Variants in AMBRA1 observed in about 807,000 individuals in gnomAD.
AMBRA1 encodes the protein autophagy and beclin 1 regulator 1, also known as activating molecule in BECN1-regulated autophagy protein 1.
Under a neutral mutation model 125.4 loss-of-function variants are expected in AMBRA1, and 47 were observed. That is an observed-to-expected ratio of 0.37 (90% CI 0.30 to 0.48). The LOEUF (loss-of-function observed/expected upper bound fraction) is 0.48, where lower values mean the gene tolerates loss of function less well. Ranked by LOEUF, AMBRA1 falls within the 20% of genes least tolerant of loss-of-function variation. The pLI is 0.99. For synonymous variants in AMBRA1, 626 were observed against 655.5 expected, an observed-to-expected ratio of 0.95 and a Z score of 0.69; for missense variants, 1,331 against 1,693.4, an observed-to-expected ratio of 0.79 and a Z score of 3.76.
chr11:46,456,670 G>A (rs1178766118), intron 11 of AMBRA1, among the ~76,000 whole-genome samples: 1 of 152,228 alleles, frequency 6.6e-6, no homozygotes, highest in Non-Finnish European at 1.5e-5. Context: ...CAAGCGAGTG[G>A]AATTGGACCA....
chr11:46,575,233 G>A (rs908813756), intron 1 of AMBRA1, among the ~76,000 whole-genome samples: 3 of 152,104 alleles, frequency 2.0e-5, no homozygotes, highest in African/African-American at 7.2e-5. Flanking sequence ...TGAGGCAGGT[G>A]TATCACCTGA....
intron 7 of AMBRA1, among the ~76,000 whole-genome samples, chr11:46,541,408 CAT>C (rs1952732662): frequency 6.6e-6 from 1 of 152,116 alleles, no homozygotes; most frequent in Non-Finnish European, 1.5e-5. Context: ...TCTTGACATA[CAT>C]ATATATACAT....
chr11:46,512,636 CAG>C (rs1462292434), intron 8 of AMBRA1, 89 bp downstream of exon 8: 2 of 945,970 alleles, frequency 2.1e-6, no homozygotes, highest in East Asian at 5.1e-5. Flanking sequence ...GCACCAGGAC[CAG>C]AGAGGCACAG....
chr11:46,412,806 G>A (rs1035634978), intron 15 of AMBRA1, among the ~76,000 whole-genome samples: 2 of 152,158 alleles, frequency 1.3e-5, no homozygotes, highest in African/African-American at 4.8e-5. Context: ...TTATGCAAGA[G>A]GTAAATGGCC....
intron 9 of AMBRA1, among the ~76,000 whole-genome samples, chr11:46,497,354 G>C (rs373293957): frequency 1.3e-5 from 2 of 152,224 alleles, no homozygotes; most frequent in African/African-American, 4.8e-5. Context: ...AAGGTTACAC[G>C]AGGCACTATA....
chr11:46,499,000 A>G (rs1358801106), intron 9 of AMBRA1, among the ~76,000 whole-genome samples: 3 of 152,186 alleles, frequency 2.0e-5, no homozygotes, highest in African/African-American at 7.2e-5. Context: ...TCTACTTTCA[A>G]TGACTGTGCA....
At chr11:46,424,435 G>A (rs966439639) in intron 14 of AMBRA1, among the ~76,000 whole-genome samples, 1 of 152,134 alleles carries the variant, frequency 6.6e-6, no homozygotes, top group African/African-American at 2.4e-5. Context: ...CAATTGGCCC[G>A]CTGCTTTCCA....
In AMBRA1 at chr11:46,461,041, G is replaced by A. The variant is rs942328831; in HGVS notation, c.2522-17443C>T. Among the ~76,000 whole-genome samples, 3 of 152,220 alleles carry A rather than the reference G, an allele frequency of 2.0e-5. No homozygotes were observed. The East Asian group carries it at 5.8e-4, about 29-fold the overall frequency. On this transcript the variant is annotated intron_variant, in intron 11 of 17. Coordinates refer to ENST00000683756, the MANE Select transcript of AMBRA1 (RefSeq NM_001387011.1). ...GAGGACCCCTTGAGCTCAGGAGCTC[G>A]AGACCAGCCTCAGCAATCTAATGAG...
At chr11:46,467,549 CT>C (rs577671556) in intron 11 of AMBRA1, among the ~76,000 whole-genome samples, 1,402 of 134,248 alleles carry the variant, frequency 0.01, 10 homozygotes, top group African/African-American at 0.033. Context: ...CTATGTTACT[CT>C]TTTTTTTTTT....
intron 5 of AMBRA1, 57 bp downstream of exon 5, chr11:46,545,547 A>G: frequency 6.4e-7 from 1 of 1,566,284 alleles, no homozygotes; most frequent in Admixed American, 1.8e-5. Context: ...AGCCAGTAGA[A>G]TGTTCTCTAT....
chr11:46,481,978 C>T (rs1056046795), intron 11 of AMBRA1, among the ~76,000 whole-genome samples: 1 of 152,182 alleles, frequency 6.6e-6, no homozygotes, highest in African/African-American at 2.4e-5. Flanking sequence ...TTTGAAATAT[C>T]ATATTCCAAA....
intron 17 of AMBRA1, among the ~76,000 whole-genome samples, chr11:46,399,007 C>T (rs1945587301): frequency 6.6e-6 from 1 of 152,084 alleles, no homozygotes; most frequent in Admixed American, 6.5e-5. Flanking sequence ...CTCCTGACCT[C>T]AGGTGATCCA....
chr11:46,430,808 C>A (rs977880122), intron 14 of AMBRA1, among the ~76,000 whole-genome samples: 1 of 152,200 alleles, frequency 6.6e-6, no homozygotes, highest in African/African-American at 2.4e-5. Flanking sequence ...TAGCAAAGCT[C>A]TAGGACAGGC....
chr11:46,589,437 T>C (rs1287819792), intron 1 of AMBRA1, among the ~76,000 whole-genome samples: 2 of 152,132 alleles, frequency 1.3e-5, no homozygotes, highest in East Asian at 1.9e-4. Flanking sequence ...ATGACTGTGA[T>C]TAAAGGAACC....
intron 1 of AMBRA1, among the ~76,000 whole-genome samples, chr11:46,557,091 G>T (rs1291490440): frequency 6.7e-6 from 1 of 148,476 alleles, no homozygotes; most frequent in Non-Finnish European, 1.5e-5. Flanking sequence ...AGCAGAGATC[G>T]TGCCATTGTA....
intron 14 of AMBRA1, among the ~76,000 whole-genome samples, chr11:46,429,567 C>T (rs1033880245): frequency 6.6e-6 from 1 of 152,116 alleles, no homozygotes; most frequent in African/African-American, 2.4e-5. Flanking sequence ...GGCTTCTGCC[C>T]CTATTCCTAA....
Position 46,542,977 on chromosome 11 carries a change from T to C in AMBRA1, c.1040A>G (p.Glu347Gly). Reference sequence around the variant, plus strand: ...GGCCTGCTCCGGGGGATGGAAGGGCTCGGTCTGTACAAAAGAAAAGGAAGG... The same window carrying C: ...GGCCTGCTCCGGGGGATGGAAGGGCCCGGTCTGTACAAAAGAAAAGGAAGG... The part of the protein sequence containing the change: ...TTPSFSFVQT[E>G]PFHPPEQASS... Residue 347 changes from glutamate (E) to glycine (G), a missense_variant, in exon 7 of 18, where the codon GAG becomes GGG. Coordinates refer to ENST00000683756, the MANE Select transcript of AMBRA1 (RefSeq NM_001387011.1). This position sits in a 1 kb window ranked among gnomAD's most constrained non-coding sequence, Gnocchi z 5.9. 1 of 1,603,110 alleles carries C rather than the reference T, an allele frequency of 6.2e-7. No individual in the cohort carries two copies. The highest frequency in any genetic ancestry group is 8.5e-7 in the Non-Finnish European group (1 of 1,179,906).
intron 1 of AMBRA1, among the ~76,000 whole-genome samples, chr11:46,585,695 A>ATATATAT (rs869244690): frequency 8.7e-5 from 2 of 22,912 alleles, no homozygotes; most frequent in Admixed American, 7.3e-4. Context: ...AAAAAAAAAA[A>ATATATAT]ATATATATAT....
chr11:46,513,583 T>A (rs1447615291), intron 7 of AMBRA1, among the ~76,000 whole-genome samples: 3 of 152,188 alleles, frequency 2.0e-5, no homozygotes, highest in African/African-American at 7.2e-5. Context: ...TATCACTCTG[T>A]GGCACATAAC....
Sources: gnomAD v4.1 joint callset for allele counts (sites outside exome capture counted in the v4.1 genomes callset) on GRCh38, gnomAD v4.1.1 for gene constraint, Gnocchi (gnomAD v3.1) non-coding constraint, MANE v1.5 for transcripts, NCBI Gene and HGNC (gene_info 2026-07-23, HGNC 2026-07-21) for gene names.